SMARCC1: variants seen among roughly 807,000 people sequenced by gnomAD.
SMARCC1 encodes SWI/SNF complex subunit SMARCC1.
In SMARCC1, 43 loss-of-function variants were observed where a neutral mutation model predicts 147.4. That is an observed-to-expected ratio of 0.29 (90% CI 0.23 to 0.38). SMARCC1 has a LOEUF of 0.38. Among genes scored for constraint, SMARCC1 ranks in the 10% least tolerant of loss-of-function variants. The pLI, the probability that SMARCC1 is intolerant of heterozygous loss-of-function variation, is 1.00. For missense variants in SMARCC1, 1,119 were observed against 1,381.1 expected (o/e 0.81, Z 3.01); for synonymous variants, 495 against 484.4 (o/e 1.02, Z -0.29).
At chr3:47,752,827 G>A (rs1042727456) in intron 2 of SMARCC1, among the ~76,000 whole-genome samples, 21 of 151,992 alleles carry the variant, frequency 1.4e-4, no homozygotes, top group Admixed American at 1.2e-3. Flanking sequence ...CCTTATATGA[G>A]TATCTCAACA....
At chr3:47,590,606 T>G in intron 27 of SMARCC1, 55 bp downstream of exon 27, 1 of 1,417,316 alleles carries the variant, frequency 7.1e-7, no homozygotes, top group South Asian at 1.6e-5. Flanking sequence ...TTCCCTTATC[T>G]ACAGCCCTCC....
intron 15 of SMARCC1, among the ~76,000 whole-genome samples, chr3:47,679,864 A>AG (rs1290984132): frequency 6.7e-6 from 1 of 149,722 alleles, no homozygotes; most frequent in Admixed American, 6.7e-5. Flanking sequence ...TCCATCTCAA[A>AG]AAAAAAAAAA....
chr3:47,740,030 C>T (rs1347747503), intron 3 of SMARCC1, among the ~76,000 whole-genome samples: 2 of 151,532 alleles, frequency 1.3e-5, no homozygotes, highest in African/African-American at 4.9e-5. Context: ...GTGTGCTCCA[C>T]GACACCCAGG....
intron 1 of SMARCC1, among the ~76,000 whole-genome samples, chr3:47,780,175 T>TG (rs1553693497): frequency 2.9e-5 from 4 of 136,532 alleles, no homozygotes; most frequent in Non-Finnish European, 4.8e-5. Flanking sequence ...TTTGTTTTTT[T>TG]TTTTTTTTTT....
chr3:47,728,911 A>T, intron 6 of SMARCC1, 114 bp downstream of exon 6: 1 of 630,862 alleles, frequency 1.6e-6, no homozygotes, highest in Non-Finnish European at 2.6e-6. Context: ...TCTTCAAAAC[A>T]AAACAAAAAC....
At chr3:47,613,815 C>T (rs559703023) in intron 25 of SMARCC1, among the ~76,000 whole-genome samples, 3 of 152,218 alleles carry the variant, frequency 2.0e-5, no homozygotes, top group South Asian at 2.1e-4. Flanking sequence ...AAAAACCCTG[C>T]CTTCCTCTCC....
intron 2 of SMARCC1, among the ~76,000 whole-genome samples, chr3:47,769,847 A>G (rs1300346520): frequency 2.0e-5 from 3 of 152,220 alleles, no homozygotes. Context: ...CCAGATAACC[A>G]TAAGGAAAAA....
In SMARCC1 at chr3:47,590,643, C is replaced by A; in HGVS notation, c.3220+18G>T. The A allele has an allele frequency of 6.7e-7, 1 of 1,493,626 alleles. No individual in the cohort carries two copies. Among genetic ancestry groups the A allele is most frequent in the Non-Finnish European group, 8.9e-7 (1 of 1,126,672 alleles). The allele number at this position is 1,493,626 out of a possible 1,614,324, so 92.5% of individuals were successfully genotyped here. On this transcript the variant is annotated intron_variant, in intron 27 of 27. Coordinates refer to ENST00000254480, the MANE Select transcript of SMARCC1 (RefSeq NM_003074.4). ...GAACGGACCCTGAGATAATGCATCC[C>A]CCCTCCATGTTACTTACACATGCCG...
At chr3:47,626,694 A>C (rs2032816052) in intron 24 of SMARCC1, among the ~76,000 whole-genome samples, 1 of 152,160 alleles carries the variant, frequency 6.6e-6, no homozygotes, top group Non-Finnish European at 1.5e-5. Context: ...TATTTCATTA[A>C]GAGGCAGATC....
chr3:47,645,971 G>A (rs569930748), intron 21 of SMARCC1, among the ~76,000 whole-genome samples: 1 of 152,214 alleles, frequency 6.6e-6, no homozygotes, highest in South Asian at 2.1e-4. Flanking sequence ...TTAAGATGGG[G>A]TCCCGCTATG....
intron 24 of SMARCC1, among the ~76,000 whole-genome samples, chr3:47,630,062 G>C (rs2032866457): frequency 6.6e-6 from 1 of 151,208 alleles, no homozygotes; most frequent in Non-Finnish European, 1.5e-5. Flanking sequence ...ATGAGGTCTG[G>C]GATGGTGCCA....
intron 19 of SMARCC1, among the ~76,000 whole-genome samples, chr3:47,663,265 A>AGGAAGGAAGGAG (rs1227527200): frequency 6.9e-6 from 1 of 145,608 alleles, no homozygotes; most frequent in African/African-American, 2.5e-5. Flanking sequence ...GAAGGAAGGA[A>AGGAAGGAAGGAG]GGGCTTTTTT....
At chr3:47,694,191 T>C (rs1325424030) in intron 11 of SMARCC1, among the ~76,000 whole-genome samples, 1 of 152,234 alleles carries the variant, frequency 6.6e-6, no homozygotes, top group Non-Finnish European at 1.5e-5. Flanking sequence ...TTATTTTGAA[T>C]ATTTCACTGT....
intron 1 of SMARCC1, among the ~76,000 whole-genome samples, chr3:47,776,597 T>A (rs1208813558): frequency 6.6e-6 from 1 of 151,974 alleles, no homozygotes; most frequent in East Asian, 1.9e-4. Context: ...AGTGAGACTG[T>A]CTCAAAAATA....
At chr3:47,712,605 G>C (rs544063396) in intron 8 of SMARCC1, among the ~76,000 whole-genome samples, 1 of 152,022 alleles carries the variant, frequency 6.6e-6, no homozygotes, top group Admixed American at 6.6e-5. Context: ...GAAATAATGC[G>C]GGTATTATAC....
chr3:47,763,864 C>T (rs942114309), intron 2 of SMARCC1, among the ~76,000 whole-genome samples: 2 of 151,382 alleles, frequency 1.3e-5, no homozygotes, highest in Admixed American at 1.3e-4. Flanking sequence ...GGACCACAGG[C>T]ATGCACCACC....
At chr3:47,694,266 A>G (rs1396745146) in intron 11 of SMARCC1, among the ~76,000 whole-genome samples, 1 of 152,244 alleles carries the variant, frequency 6.6e-6, no homozygotes, top group East Asian at 1.9e-4. Flanking sequence ...AACTCTAAAA[A>G]TAAAACACTG....
intron 8 of SMARCC1, among the ~76,000 whole-genome samples, chr3:47,711,587 A>G (rs1404496367): frequency 1.3e-5 from 2 of 152,220 alleles, no homozygotes; most frequent in Non-Finnish European, 2.9e-5. Flanking sequence ...AACAGATTAC[A>G]ATTATGAAGC....
intron 4 of SMARCC1, among the ~76,000 whole-genome samples, chr3:47,737,625 G>T (rs574472179): frequency 1.7e-4 from 25 of 151,472 alleles, no homozygotes; most frequent in African/African-American, 3.9e-4. Flanking sequence ...CCAATCTGTG[G>T]TTTTTTTTGT....
Sources: allele counts gnomAD v4.1 joint callset (sites outside exome capture counted in the v4.1 genomes callset), GRCh38; gene constraint gnomAD v4.1.1; transcripts MANE v1.5; gene names NCBI Gene and HGNC (gene_info 2026-07-23, HGNC 2026-07-21).